Variants in ZNF316 observed in about 807,000 individuals in gnomAD.
ZNF316 encodes zinc finger protein 316.
ZNF316 carries 23 observed loss-of-function variants against 75.6 expected under a neutral mutation model. The ratio of observed to expected loss-of-function variants is 0.30; its 90% CI spans 0.22 to 0.43. ZNF316 has a LOEUF of 0.43. ZNF316 is among the 20% of genes least tolerant of loss of function. The pLI, the probability that ZNF316 is intolerant of heterozygous loss-of-function variation, is 1.00. For missense variants in ZNF316, 1,266 were observed against 1,409.4 expected (o/e 0.90, Z 1.63); for synonymous variants, 827 against 666.2 (o/e 1.24, Z -3.72).
intron 7 of ZNF316, 146 bp downstream of exon 7, chr7:6,644,094 A>T: frequency 1.1e-6 from 1 of 911,496 alleles, no homozygotes; most frequent in Non-Finnish European, 1.4e-6. Flanking sequence ...AAGCCCTAGG[A>T]CCCCATGGCC....
Position 6,642,359 on chromosome 7 carries a change from A to G in ZNF316, c.-28-23A>G, listed in dbSNP as rs1779325028. The G allele has an allele frequency of 8.6e-7, 1 of 1,160,412 alleles. No individual in the cohort carries two copies. Among genetic ancestry groups the G allele is most frequent in the Non-Finnish European group, 1.1e-6 (1 of 922,966 alleles). 71.9% of individuals were successfully genotyped at this position (1,160,412 alleles called of 1,614,324 possible). A position where few individuals can be genotyped will look rare whatever the true frequency, so the allele number is the denominator to read the frequency against. On this transcript the variant is annotated intron_variant, in intron 4 of 8. Coordinates refer to ENST00000382252, the MANE Select transcript of ZNF316 (RefSeq NM_001278559.2). This position sits in a 1 kb window ranked among gnomAD's most constrained non-coding sequence, Gnocchi z 8.1. ...TGTGGTGTGCTGAGAGCAGCCCGTC[A>G]CTGGCGTCCATCTGCATTTCAGGCC...
chr7:6,654,555 G>A lies in ZNF316; in HGVS notation c.2959G>A (p.Glu987Lys). The A allele has an allele frequency of 8.4e-7, 1 of 1,186,708 alleles. No homozygotes were observed. The highest frequency in any genetic ancestry group is 1.0e-6 in the Non-Finnish European group (1 of 959,064). The allele number at this position is 1,186,708 out of a possible 1,614,324, so 73.5% of individuals were successfully genotyped here. A position where few individuals can be genotyped will look rare whatever the true frequency, so the allele number is the denominator to read the frequency against. ...EFAGGTSFGS[E>K]HQAAFAGPSG... ...CGCGGGCGGCACAAGCTTCGGCTCC[G>A]AGCACCAGGCCGCGTTCGCCGGGCC... Residue 987 changes from glutamate to lysine, a missense_variant, in exon 9 of 9, where the codon GAG becomes AAG. This residue lies in a region of ZNF316 where 111 missense variants were observed against 99.2 expected (regional missense o/e 1.12). Coordinates refer to ENST00000382252, the MANE Select transcript of ZNF316 (RefSeq NM_001278559.2).
intron 3 of ZNF316, among the ~76,000 whole-genome samples, 171 bp from the exon 4 acceptor site, chr7:6,641,654 C>T (rs117400829): frequency 0.023 from 3,429 of 152,346 alleles, 61 homozygotes; most frequent in Middle Eastern, 0.048. Context: ...GTAAGTCAGC[C>T]CTCAAGAGTC....
At position 6,652,328 on chromosome 7, in the gene ZNF316, A is replaced by G. The variant is rs1027736321; in HGVS notation, c.732A>G (p.Ile244Met). The change falls in exon 9 of 9, where the codon ATA becomes ATG. Residue 244 changes from isoleucine (I) to methionine (M), a missense_variant. Ile to Met is a conservative substitution (Grantham distance 10). Coordinates refer to ENST00000382252, the MANE Select transcript of ZNF316 (RefSeq NM_001278559.2). ...GAGCCTGGTTCTGGACGGACGACAT[A>G]GAGGACCACGAGGAGGAAGACGACG... ...YTGAWFWTDD[I>M]EDHEEEDDED... 29 of 1,232,396 alleles carry G rather than the reference A, an allele frequency of 2.4e-5. No homozygotes were observed. The highest frequency in any genetic ancestry group is 2.6e-5 in the Non-Finnish European group (26 of 988,114). The allele number at this position is 1,232,396 out of a possible 1,614,324, so 76.3% of individuals were successfully genotyped here.
intron 8 of ZNF316, among the ~76,000 whole-genome samples, chr7:6,646,483 C>T (rs781579047): frequency 3.9e-5 from 6 of 152,188 alleles, no homozygotes; most frequent in Non-Finnish European, 7.3e-5. Context: ...TCCCTTTCAG[C>T]CCGGGCAACA....
Position 6,644,493 on chromosome 7 carries a change from C to G in ZNF316, c.606C>G (p.Pro202=), listed in dbSNP as rs1779364828. ...GILVSLGYPI[P]KPDLIFRLEQ... is the part of the protein sequence containing the mutation. ...TTCTCCTGGCAGGATACCCAATTCC[C>G]AAGCCCGATCTGATCTTCCGGCTGG... Residue 202 remains proline, a synonymous_variant, in exon 8 of 9, where the codon CCC becomes CCG. Coordinates refer to ENST00000382252, the MANE Select transcript of ZNF316 (RefSeq NM_001278559.2). The G allele has an allele frequency of 8.1e-7, 1 of 1,232,228 alleles. No homozygotes were observed. The highest frequency in any genetic ancestry group is 1.0e-6 in the Non-Finnish European group (1 of 988,002). The allele number at this position is 1,232,228 out of a possible 1,614,324, so 76.3% of individuals were successfully genotyped here.
rs1383883677 is a variant in ZNF316, at chr7:6,654,627, C to T, written c.*16C>T. The T allele has an allele frequency of 1.7e-6, 2 of 1,183,444 alleles. No homozygotes were observed. Among genetic ancestry groups the T allele is most frequent in the African/African-American group, 1.6e-5 (1 of 62,250 alleles). 73.3% of individuals were successfully genotyped at this position (1,183,444 alleles called of 1,614,324 possible). A position where few individuals can be genotyped will look rare whatever the true frequency, so the allele number is the denominator to read the frequency against. ...CGTCCTGTGAGGGGCCCGGGGCCGACAGCAGCGCAGCCTGCAGGGCCACCG... is the reference window on the plus strand; with the variant it reads ...CGTCCTGTGAGGGGCCCGGGGCCGATAGCAGCGCAGCCTGCAGGGCCACCG... On this transcript the variant is annotated 3_prime_UTR_variant, in exon 9 of 9. Transcript: ENST00000382252.
chr7:6,642,889 A>C lies in ZNF316; in HGVS notation c.356-75A>C, dbSNP rs1199327635. 1.7e-5 allele frequency: 21 copies of C among 1,232,118 alleles called. No individual in the cohort carries two copies. Among genetic ancestry groups the C allele is most frequent in the Non-Finnish European group, 2.0e-5 (20 of 988,064 alleles). The allele number at this position is 1,232,118 out of a possible 1,614,324, so 76.3% of individuals were successfully genotyped here. A position where few individuals can be genotyped will look rare whatever the true frequency, so the allele number is the denominator to read the frequency against. ...GGAGCTGAAACCCAGCTTTGCAATG[A>C]GGGTGTTGCCAGGGCTCCTGGCCCT... On this transcript the variant is annotated intron_variant, in intron 5 of 8. Coordinates refer to ENST00000382252, the MANE Select transcript of ZNF316 (RefSeq NM_001278559.2). The surrounding 1 kb of genome is among the most constrained non-coding windows in gnomAD (Gnocchi z 8.1).
intron 8 of ZNF316, among the ~76,000 whole-genome samples, chr7:6,648,514 T>G (rs372130256): frequency 6.6e-6 from 1 of 152,254 alleles, no homozygotes; most frequent in Non-Finnish European, 1.5e-5. Context: ...TGGAGGTGCT[T>G]CTGCAGCCGC....
At position 6,644,906 on chromosome 7, in the gene ZNF316, A is replaced by T. The variant is rs183848591; in HGVS notation, c.706+313A>T. ...TGAGCCAGGGCAGACCCAGGAGCCCAGCACGCCATCGCGGAGGCCTTTCTG... is the reference window on the plus strand; with the variant it reads ...TGAGCCAGGGCAGACCCAGGAGCCCTGCACGCCATCGCGGAGGCCTTTCTG... On this transcript the variant is annotated intron_variant, in intron 8 of 8. Coordinates refer to ENST00000382252, the MANE Select transcript of ZNF316 (RefSeq NM_001278559.2). 1.1e-4 allele frequency among the ~76,000 whole-genome samples: 16 copies of T among 152,358 alleles called. No individual in the cohort carries two copies. The East Asian group carries it at 3.1e-3, about 29-fold the overall frequency.
At chr7:6,648,142 G>A (rs1250725827) in intron 8 of ZNF316, among the ~76,000 whole-genome samples, 1 of 152,198 alleles carries the variant, frequency 6.6e-6, no homozygotes, top group Non-Finnish European at 1.5e-5. Context: ...CAGGTGTAGG[G>A]ACCTTTGTGC....
rs1433589123 is a variant in ZNF316 at position 6,652,402 on chromosome 7, T to A, written c.806T>A (p.Leu269His). 2 of 1,232,192 alleles carry A rather than the reference T, an allele frequency of 1.6e-6. No individual in the cohort carries two copies. Among genetic ancestry groups the A allele is most frequent in the East Asian group, 6.3e-5 (2 of 31,708 alleles). 76.3% of individuals were successfully genotyped at this position (1,232,192 alleles called of 1,614,324 possible). A position where few individuals can be genotyped will look rare whatever the true frequency, so the allele number is the denominator to read the frequency against. The change falls in exon 9 of 9, where the codon CTC becomes CAC. Residue 269 changes from leucine to histidine, a missense_variant. Physicochemically the swap from Leu to His is moderately conservative, Grantham distance 99. Coordinates refer to ENST00000382252, the MANE Select transcript of ZNF316 (RefSeq NM_001278559.2). Reference sequence around the variant, plus strand: ...GAGGAGGAGAACGAGCCCCCAGGGCTCTGGTCGGCGGCCTACGGCGTGGGG... The same window carrying A: ...GAGGAGGAGAACGAGCCCCCAGGGCACTGGTCGGCGGCCTACGGCGTGGGG... ...VAEEENEPPG[L>H]WSAAYGVGDV...
chr7:6,642,111 A>T lies in ZNF316; in HGVS notation c.-29+149A>T, dbSNP rs139138466. On this transcript the variant is annotated intron_variant, in intron 4 of 8. Transcript: ENST00000382252. The surrounding 1 kb of genome is among the most constrained non-coding windows in gnomAD (Gnocchi z 8.1). ...GAAAGAGCAGCAGTTCACACCAGGC[A>T]CGTAGTTCTTGGTGAAAAGGAGCTG... The T allele has an allele frequency of 1.3e-3, 406 of 313,208 alleles. 7 individuals carry two copies. In the East Asian group the frequency reaches 0.018, roughly 14 times the overall value. The allele number at this position is 313,208 out of a possible 1,614,324, so 19.4% of individuals were successfully genotyped here.
At position 6,653,465 on chromosome 7, in the gene ZNF316, G is replaced by A. The variant is rs1472932979; in HGVS notation, c.1869G>A (p.Glu623=). ...TCCTGGGCCTACCCGACTTCCGAGA[G>A]CGGCTGCCGGTCGACGGGCGCCCGC... is the stretch of plus-strand genomic sequence containing the variant. The part of the protein sequence containing the change: ...FPILGLPDFR[E]RLPVDGRPLP... The change falls in exon 9 of 9, where the codon GAG becomes GAA. Residue 623 remains glutamate, a synonymous_variant. Coordinates refer to ENST00000382252, the MANE Select transcript of ZNF316 (RefSeq NM_001278559.2). 2 of 1,226,992 alleles carry A rather than the reference G, an allele frequency of 1.6e-6. No individual in the cohort carries two copies. The highest frequency in any genetic ancestry group is 3.1e-5 in the African/African-American group (2 of 64,122). 76.0% of individuals were successfully genotyped at this position (1,226,992 alleles called of 1,614,324 possible).
At position 6,653,866 on chromosome 7, in the gene ZNF316, C is replaced by T; in HGVS notation, c.2270C>T (p.Ala757Val). 5 of 1,086,368 alleles carry T rather than the reference C, an allele frequency of 4.6e-6. No homozygotes were observed. Among genetic ancestry groups the T allele is most frequent in the Non-Finnish European group, 5.6e-6 (5 of 894,264 alleles). 67.3% of individuals were successfully genotyped at this position (1,086,368 alleles called of 1,614,324 possible). Residue 757 changes from alanine to valine, a missense_variant, in exon 9 of 9, where the codon GCC becomes GTC. By Grantham distance (64) the Ala-to-Val change is moderately conservative (BLOSUM62 0). Transcript: ENST00000382252. ...FPCPECGARF[A>V]RGSHLAAHVR... ...TGCCCCGAGTGCGGCGCGCGGTTCGCCCGCGGCTCGCACTTGGCGGCGCAC... is the reference window on the plus strand; with the variant it reads ...TGCCCCGAGTGCGGCGCGCGGTTCGTCCGCGGCTCGCACTTGGCGGCGCAC...
rs1485087544 is a variant in ZNF316 at position 6,654,245 on chromosome 7, C to T, written c.2649C>T (p.Gly883=). 1.6e-6 allele frequency: 2 copies of T among 1,222,792 alleles called. No homozygotes were observed. Among genetic ancestry groups the T allele is most frequent in the African/African-American group, 1.6e-5 (1 of 63,866 alleles). The allele number at this position is 1,222,792 out of a possible 1,614,324, so 75.7% of individuals were successfully genotyped here. Reference sequence around the variant, plus strand: ...CCAAGCACCGGCGCGGCCACACGGGCGAACGCCCCTTCCCGTGCCCTGAGT... The same window carrying T: ...CCAAGCACCGGCGCGGCCACACGGGTGAACGCCCCTTCCCGTGCCCTGAGT... ...NLAKHRRGHT[G]ERPFPCPECG... is the part of the protein sequence containing the mutation. Residue 883 remains glycine (G), a synonymous_variant, in exon 9 of 9, where the codon GGC becomes GGT. Coordinates refer to ENST00000382252, the MANE Select transcript of ZNF316 (RefSeq NM_001278559.2).
At chr7:6,652,070 C>T (rs1779516535) in intron 8 of ZNF316, among the ~76,000 whole-genome samples, 1 of 152,174 alleles carries the variant, frequency 6.6e-6, no homozygotes, top group Non-Finnish European at 1.5e-5. Flanking sequence ...TCAGGTGCTG[C>T]GTGTCCCCAG....
rs141809296 is a variant in ZNF316, at chr7:6,657,179, A to G, written c.*2568A>G. Among the ~76,000 whole-genome samples the G allele has an allele frequency of 5.8e-3, 887 of 152,066 alleles. 4 individuals carry two copies. The highest frequency in any genetic ancestry group is 0.01 in the Non-Finnish European group (685 of 67,994). On this transcript the variant is annotated 3_prime_UTR_variant, in exon 9 of 9. Coordinates refer to ENST00000382252, the MANE Select transcript of ZNF316 (RefSeq NM_001278559.2). ...CAGCGAGTTTTTTTGTATTTTTAGT[A>G]GAGATGGGATTTCAGCATATTGGCC...
chr7:6,647,150 C>T (rs1047177394), intron 8 of ZNF316, among the ~76,000 whole-genome samples: 2 of 152,086 alleles, frequency 1.3e-5, no homozygotes, highest in Non-Finnish European at 2.9e-5. Context: ...GTGGGACTGT[C>T]TTTCCACCCT....
Sources: gnomAD v4.1 joint callset for allele counts (sites outside exome capture counted in the v4.1 genomes callset) on GRCh38, gnomAD v4.1.1 for gene constraint, gnomAD v4.1.1 regional missense constraint, Gnocchi (gnomAD v3.1) non-coding constraint, MANE v1.5 for transcripts, NCBI Gene and HGNC (gene_info 2026-07-23, HGNC 2026-07-21) for gene names.